The following ADAMTS2 variants were observed in gnomAD, a reference collection of about 807,000 sequenced individuals.
ADAMTS2 encodes the protein A disintegrin and metalloproteinase with thrombospondin motifs 2.
Under a neutral mutation model 123.0 loss-of-function variants are expected in ADAMTS2, and 50 were observed. The ratio of observed to expected loss-of-function variants is 0.41; its 90% CI spans 0.32 to 0.51. The LOEUF (loss-of-function observed/expected upper bound fraction) is 0.51, where lower values mean the gene tolerates loss of function less well. Ranked by LOEUF, ADAMTS2 falls within the 20% of genes least tolerant of loss-of-function variation. The probability of loss-of-function intolerance (pLI) is 0.35; values close to 1 mark genes in which losing one functional copy is unlikely to be tolerated. For synonymous variants in ADAMTS2, 678 were observed against 695.4 expected (o/e 0.98, Z 0.39); for missense variants, 1,494 against 1,705.2 (o/e 0.88, Z 2.18).
Position 179,262,183 on chromosome 5 carries a change from TGCCACCCCCACCAGCACACCTGCCCG to T in ADAMTS2, c.688+10702_688+10727del, listed in dbSNP as rs538921698. 5.5e-3 allele frequency among the ~76,000 whole-genome samples: 835 copies of T among 151,804 alleles called. 4 individuals carry two copies. The highest frequency in any genetic ancestry group is 0.016 in the African/African-American group (665 of 41,354). ...TGCACGTGGCCCAGACCACCTAACC[TGCCACCCCCACCAGCACACCTGCCCG>T]GCCACCCCCACCAGCACACCTGCCC... On this transcript the variant is annotated intron_variant, in intron 3 of 21. Transcript: ENST00000251582. The surrounding 1 kb of genome is among the most constrained non-coding windows in gnomAD (Gnocchi z 5.9).
chr5:179,273,056 C>T lies in ADAMTS2; in HGVS notation c.543G>A (p.Leu181=). 6.2e-7 allele frequency: 1 copy of T among 1,613,624 alleles called. No individual in the cohort carries two copies. The highest frequency in any genetic ancestry group is 1.3e-5 in the African/African-American group (1 of 75,066). Residue 181 remains leucine, a synonymous_variant, in exon 3 of 22, where the codon CTG becomes CTA. Transcript: ENST00000251582. ...AGAACTCCTCCTCCTCCATCCGGAT[C>T]AGACCAGCCTGCGGGACAAAGACAA... ...ALSNCDGLAG[L]IRMEEEEFFI... is the part of the protein sequence containing the mutation.
intron 10 of ADAMTS2, among the ~76,000 whole-genome samples, chr5:179,147,398 T>A (rs140925535): frequency 5.6e-4 from 85 of 152,344 alleles, no homozygotes; most frequent in Non-Finnish European, 9.6e-4. Flanking sequence ...CTAAGCCAGC[T>A]TTTGAACAAG....
intron 2 of ADAMTS2, among the ~76,000 whole-genome samples, chr5:179,277,365 C>A (rs1256325641): frequency 3.0e-4 from 2 of 6,640 alleles, no homozygotes; most frequent in African/African-American, 1.5e-3. Context: ...AAGGCTGACA[C>A]CCCCCGAGAC....
chr5:179,227,755 G>A (rs1408052352), intron 3 of ADAMTS2, among the ~76,000 whole-genome samples: 1 of 152,098 alleles, frequency 6.6e-6, no homozygotes, highest in Non-Finnish European at 1.5e-5. Flanking sequence ...AGTGAGGGAA[G>A]CCCCTGCTGT....
At chr5:179,235,664 A>C (rs1765507407) in intron 3 of ADAMTS2, among the ~76,000 whole-genome samples, 1 of 152,188 alleles carries the variant, frequency 6.6e-6, no homozygotes, top group African/African-American at 2.4e-5. Context: ...CTGGAGAGGA[A>C]GGGCAGAGAG....
rs183059412 is a variant in ADAMTS2, at chr5:179,284,797, G to A, written c.535-11733C>T. On this transcript the variant is annotated intron_variant, in intron 2 of 21. Coordinates refer to ENST00000251582, the MANE Select transcript of ADAMTS2 (RefSeq NM_014244.5). ...AGATTTTTTGACCACTTAAGGAACAGACACACCCATGACATATTGGTGACC... is the reference window on the plus strand; with the variant it reads ...AGATTTTTTGACCACTTAAGGAACAAACACACCCATGACATATTGGTGACC... Among the ~76,000 whole-genome samples, 523 of 152,326 alleles carry A rather than the reference G, an allele frequency of 3.4e-3. 15 individuals are homozygous for A. The highest frequency in any genetic ancestry group is 0.033 in the Admixed American group (503 of 15,296).
intron 2 of ADAMTS2, among the ~76,000 whole-genome samples, chr5:179,329,922 C>G (rs1022305076): frequency 1.3e-5 from 2 of 151,760 alleles, no homozygotes; most frequent in East Asian, 1.9e-4. Flanking sequence ...GTCAGGAGAT[C>G]GAGACCATCC....
intron 5 of ADAMTS2, among the ~76,000 whole-genome samples, chr5:179,172,996 G>A (rs1763853254): frequency 6.6e-6 from 1 of 151,672 alleles, no homozygotes; most frequent in South Asian, 2.1e-4. Flanking sequence ...TTTGAGCCTG[G>A]GAGTTCAAGA....
intron 3 of ADAMTS2, among the ~76,000 whole-genome samples, chr5:179,224,236 C>T (rs1201539296): frequency 6.6e-6 from 1 of 152,112 alleles, no homozygotes; most frequent in Non-Finnish European, 1.5e-5. Flanking sequence ...ACGCTACCAC[C>T]GTCTTCTCCT....
chr5:179,335,577 C>T (rs892719366), intron 2 of ADAMTS2, among the ~76,000 whole-genome samples: 2 of 152,158 alleles, frequency 1.3e-5, no homozygotes, highest in South Asian at 2.1e-4. Context: ...AATGTATCTG[C>T]GGTACTGCTT....
At chr5:179,248,360 T>C (rs1194683413) in intron 3 of ADAMTS2, among the ~76,000 whole-genome samples, 1 of 152,100 alleles carries the variant, frequency 6.6e-6, no homozygotes, top group African/African-American at 2.4e-5. Flanking sequence ...AAATAGCAGA[T>C]AGCAGAATTC....
At chr5:179,253,752 G>A (rs760043667) in intron 3 of ADAMTS2, among the ~76,000 whole-genome samples, 3 of 152,066 alleles carry the variant, frequency 2.0e-5, no homozygotes, top group Non-Finnish European at 4.4e-5. Context: ...CTCCAGCAGT[G>A]AGTTCAGACC....
chr5:179,207,780 G>GC, intron 3 of ADAMTS2, 65 bp from the exon 4 acceptor site: 1 of 1,416,236 alleles, frequency 7.1e-7, no homozygotes, highest in Non-Finnish European at 9.8e-7. Flanking sequence ...CCTACCAGGC[G>GC]CCAGCTTGGC....
chr5:179,149,614 C>T (rs956580939), intron 10 of ADAMTS2, among the ~76,000 whole-genome samples: 6 of 152,236 alleles, frequency 3.9e-5, no homozygotes, highest in Admixed American at 3.9e-4. Flanking sequence ...TGGGCATGAC[C>T]ACTCAGGGTC....
At chr5:179,125,259 C>A in intron 18 of ADAMTS2, 79 bp from the exon 19 acceptor site, 1 of 1,372,676 alleles carries the variant, frequency 7.3e-7, no homozygotes, top group East Asian at 2.3e-5. Context: ...GCGCCGCTCC[C>A]TGCAGCCCAG....
At chr5:179,258,904 C>G (rs1466062370) in intron 3 of ADAMTS2, among the ~76,000 whole-genome samples, 1 of 152,158 alleles carries the variant, frequency 6.6e-6, no homozygotes, top group South Asian at 2.1e-4. Flanking sequence ...CCAGGACTCC[C>G]AACACCCTTC....
Position 179,188,752 on chromosome 5 carries a change from T to C in ADAMTS2, c.892-7597A>G, listed in dbSNP as rs540931443. On this transcript the variant is annotated intron_variant, in intron 4 of 21. Transcript: ENST00000251582. The surrounding 1 kb of genome is among the most constrained non-coding windows in gnomAD (Gnocchi z 5.1). Reference sequence around the variant, plus strand: ...CCTCAGGCGACGTCTCCTGTGCCTGTCCACACTCTGCTGATACCTCTGCAG... The same window carrying C: ...CCTCAGGCGACGTCTCCTGTGCCTGCCCACACTCTGCTGATACCTCTGCAG... 6.6e-6 allele frequency among the ~76,000 whole-genome samples: 1 copy of C among 152,220 alleles called. No homozygotes were observed. The highest frequency in any genetic ancestry group is 6.5e-5 in the Admixed American group (1 of 15,292).
At position 179,272,398 on chromosome 5, in the gene ADAMTS2, A is replaced by T. The variant is rs1002948476; in HGVS notation, c.688+513T>A. On this transcript the variant is annotated intron_variant, in intron 3 of 21. Transcript: ENST00000251582. This position sits in a 1 kb window ranked among gnomAD's most constrained non-coding sequence, Gnocchi z 5.8. ...CACATGCCTCCAGGGATCCAGAAAGAGCATGCAGGGCCTTTCTCCCTGAGC... is the reference window on the plus strand; with the variant it reads ...CACATGCCTCCAGGGATCCAGAAAGTGCATGCAGGGCCTTTCTCCCTGAGC... 3.3e-5 allele frequency among the ~76,000 whole-genome samples: 5 copies of T among 152,136 alleles called. No individual in the cohort carries two copies. Among genetic ancestry groups the T allele is most frequent in the African/African-American group, 1.2e-4 (5 of 41,442 alleles).
At chr5:179,274,575 A>G (rs1175089622) in intron 2 of ADAMTS2, among the ~76,000 whole-genome samples, 2 of 152,198 alleles carry the variant, frequency 1.3e-5, no homozygotes, top group African/African-American at 4.8e-5. Context: ...CCTCTGCCAT[A>G]TCATCATCTT....
Sources: gnomAD v4.1 joint callset for allele counts (sites outside exome capture counted in the v4.1 genomes callset) on GRCh38, gnomAD v4.1.1 for gene constraint, Gnocchi (gnomAD v3.1) non-coding constraint, MANE v1.5 for transcripts, NCBI Gene and HGNC (gene_info 2026-07-23, HGNC 2026-07-21) for gene names.